The following RADIL variants were observed in gnomAD, a reference collection of about 807,000 sequenced individuals.
The protein encoded by RADIL is ras-associating and dilute domain-containing protein.
In RADIL, 99 loss-of-function variants were observed where a neutral mutation model predicts 97.6. That is an observed-to-expected ratio of 1.01 (90% CI 0.86 to 1.20). RADIL has a LOEUF of 1.20. RADIL is among the 50% of genes most tolerant of loss of function. The pLI, the probability that RADIL is intolerant of heterozygous loss-of-function variation, is 0.00. For missense variants in RADIL, 1,765 were observed against 1,498.9 expected (o/e 1.18, Z -2.93); for synonymous variants, 803 against 691.8 (o/e 1.16, Z -2.52).
At chr7:4,870,083 T>C (rs1784218772) in intron 2 of RADIL, among the ~76,000 whole-genome samples, 1 of 152,232 alleles carries the variant, frequency 6.6e-6, no homozygotes, top group African/African-American at 2.4e-5. Context: ...GAGGCTGCAG[T>C]GAGCCATGAT....
intron 2 of RADIL, among the ~76,000 whole-genome samples, chr7:4,868,932 G>C (rs1419706973): frequency 6.6e-6 from 1 of 152,114 alleles, no homozygotes; most frequent in African/African-American, 2.4e-5. Context: ...TTCGAGACCA[G>C]CCTGACTAAC....
chr7:4,815,413 G>A lies in RADIL; in HGVS notation c.2004C>T (p.Val668=), dbSNP rs374880901. 1.3e-6 allele frequency: 2 copies of A among 1,560,378 alleles called. No homozygotes were observed. The highest frequency in any genetic ancestry group is 2.7e-5 in the African/African-American group (2 of 74,360). ...GCTGCTGCAGGCGGGCGCAGGCCTG[G>A]ACACCTCTGGGCCAGTGGAAGCAGC... The part of the protein sequence containing the change: ...SLSCFHWPRG[V]QACARLQQLL... The change falls in exon 9 of 15, where the codon GTC becomes GTT. Residue 668 remains valine, a synonymous_variant. Transcript: ENST00000399583. The surrounding 1 kb of genome is among the most constrained non-coding windows in gnomAD (Gnocchi z 8.0).
At chr7:4,836,870 G>A (rs1051583802) in intron 2 of RADIL, among the ~76,000 whole-genome samples, 2 of 152,068 alleles carry the variant, frequency 1.3e-5, no homozygotes, top group Admixed American at 1.3e-4. Context: ...CCCAGGAGGC[G>A]GAGGTGGCAG....
intron 2 of RADIL, among the ~76,000 whole-genome samples, chr7:4,847,607 C>T (rs1301281033): frequency 2.0e-5 from 3 of 152,044 alleles, no homozygotes; most frequent in African/African-American, 7.2e-5. Flanking sequence ...TGTCCATCAA[C>T]GGGTGAACAG....
At chr7:4,808,912 CCCCCACG>C in intron 9 of RADIL, 1 of 927,306 alleles carries the variant, frequency 1.1e-6, no homozygotes, top group African/African-American at 2.4e-5. Flanking sequence ...CGCCACTGCC[CCCCCACG>C]TCTCCTTCCA....
At position 4,812,607 on chromosome 7, in the gene RADIL, A is replaced by C. The variant is rs1416718609; in HGVS notation, c.2139+2671T>G. Among the ~76,000 whole-genome samples, 6 of 152,070 alleles carry C rather than the reference A, an allele frequency of 3.9e-5. 1 individual carries two copies. Among genetic ancestry groups the C allele is most frequent in the Admixed American group, 3.9e-4 (6 of 15,264 alleles). ...CAGCTAATTTTTGTATTTTTAGTTGAGACGGGGTATTGCCATATTGGGCAG... is the reference window on the plus strand; with the variant it reads ...CAGCTAATTTTTGTATTTTTAGTTGCGACGGGGTATTGCCATATTGGGCAG... On this transcript the variant is annotated intron_variant, in intron 9 of 14. Transcript: ENST00000399583.
At chr7:4,827,495 A>T (rs1465452037) in intron 5 of RADIL, among the ~76,000 whole-genome samples, 1 of 150,410 alleles carries the variant, frequency 6.6e-6, no homozygotes, top group Non-Finnish European at 1.5e-5. Context: ...CCCCGTCTCT[A>T]CTAAAAATAC....
At position 4,813,556 on chromosome 7, in the gene RADIL, G is replaced by A. The variant is rs966746990; in HGVS notation, c.2139+1722C>T. Reference sequence around the variant, plus strand: ...CCAGTGCTGTGCTGTTCCAGTTTCTGTTTCCCCACCAGTGGCCCCTGCCTG... The same window carrying A: ...CCAGTGCTGTGCTGTTCCAGTTTCTATTTCCCCACCAGTGGCCCCTGCCTG... On this transcript the variant is annotated intron_variant, in intron 9 of 14. Coordinates refer to ENST00000399583, the MANE Select transcript of RADIL (RefSeq NM_018059.5). The surrounding 1 kb of genome is among the most constrained non-coding windows in gnomAD (Gnocchi z 5.0). Among the ~76,000 whole-genome samples, 2 of 152,292 alleles carry A rather than the reference G, an allele frequency of 1.3e-5. No homozygotes were observed. Among genetic ancestry groups the A allele is most frequent in the South Asian group, 4.1e-4 (2 of 4,834 alleles).
rs1783471760 is a variant in RADIL, at chr7:4,842,719, C to T, written c.536-6114G>A. 6.6e-6 allele frequency among the ~76,000 whole-genome samples: 1 copy of T among 152,286 alleles called. No homozygotes were observed. Among genetic ancestry groups the T allele is most frequent in the South Asian group, 2.1e-4 (1 of 4,820 alleles). ...TGATGGTTTGGAATAATGATATATA[C>T]AACTTGGAACCGTTTCTGTCACCCA... On this transcript the variant is annotated intron_variant, in intron 2 of 14. Coordinates refer to ENST00000399583, the MANE Select transcript of RADIL (RefSeq NM_018059.5). This position sits in a 1 kb window ranked among gnomAD's most constrained non-coding sequence, Gnocchi z 4.5.
intron 10 of RADIL, chr7:4,804,086 C>T: frequency 2.7e-6 from 1 of 368,230 alleles, no homozygotes; most frequent in Non-Finnish European, 5.3e-6. Flanking sequence ...CTCCGGGTAA[C>T]TGGAGCTCCC....
intron 2 of RADIL, chr7:4,861,834 G>GCACGTCCTCCACCACCGCGACCTT: frequency 7.9e-7 from 1 of 1,268,420 alleles, no homozygotes; most frequent in Non-Finnish European, 1.0e-6. Context: ...CCCCGCCAGG[G>GCACGTCCTCCACCACCGCGACCTT]CACGTCCCCC....
intron 2 of RADIL, among the ~76,000 whole-genome samples, chr7:4,843,101 G>C (rs1245035786): frequency 6.6e-6 from 1 of 151,170 alleles, no homozygotes; most frequent in Non-Finnish European, 1.5e-5. Context: ...CTGCCTCCCG[G>C]GTTCAAGTGA....
chr7:4,865,564 TTTTGA>T, intron 2 of RADIL: 1 of 793,334 alleles, frequency 1.3e-6, no homozygotes, highest in Admixed American at 1.7e-5. Flanking sequence ...TCAAATACCT[TTTTGA>T]GAAAGGGACC....
rs201926337 is a variant in RADIL at position 4,877,950 on chromosome 7, C to G, written c.190G>C (p.Val64Leu). 221 of 1,610,196 alleles carry G rather than the reference C, an allele frequency of 1.4e-4. No homozygotes were observed. Among genetic ancestry groups the G allele is most frequent in the Admixed American group, 6.7e-5 (4 of 59,994 alleles). Reference protein sequence around the residue: ...ELSTQLSAPGVLKVFGDSVCT... With the variant: ...ELSTQLSAPGLLKVFGDSVCT... ...ACACTGTCCCCAAACACCTTCAGGA[C>G]ACCAGGGGCCGACAGCTGGGTGGAG... The change falls in exon 2 of 15, where the codon GTC (valine) becomes CTC (leucine). Residue 64 changes from valine (V) to leucine (L), a missense_variant. Physicochemically the swap from Val to Leu is conservative, Grantham distance 32 (BLOSUM62 1). Coordinates refer to ENST00000399583, the MANE Select transcript of RADIL (RefSeq NM_018059.5).
At chr7:4,825,142 A>G (rs1356992405) in intron 5 of RADIL, among the ~76,000 whole-genome samples, 2 of 151,178 alleles carry the variant, frequency 1.3e-5, no homozygotes, top group Admixed American at 6.6e-5. Flanking sequence ...TCGGGGGGGG[A>G]CAGCACAGCC....
At chr7:4,861,835 C>G in intron 2 of RADIL, 1 of 1,320,728 alleles carries the variant, frequency 7.6e-7, no homozygotes, top group Non-Finnish European at 9.6e-7. Context: ...CCCGCCAGGG[C>G]ACGTCCCCCA....
At chr7:4,829,386 G>A (rs1035748075) in intron 5 of RADIL, among the ~76,000 whole-genome samples, 6 of 152,128 alleles carry the variant, frequency 3.9e-5, no homozygotes, top group Non-Finnish European at 8.8e-5. Flanking sequence ...GAAGGCGTTC[G>A]GAGCTCAGCT....
chr7:4,817,226 C>T lies in RADIL; in HGVS notation c.1728+13G>A, dbSNP rs532048743. 1.4e-4 allele frequency: 227 copies of T among 1,601,382 alleles called. 1 individual carries two copies. In the South Asian group the frequency reaches 2.3e-3, roughly 16 times the overall value. ...GAGCTGCCTGAGTGCAGAAGCAGAG[C>T]CCGTCCGTGCACCTTGGAGACATAG... On this transcript the variant is annotated intron_variant, in intron 7 of 14. Transcript: ENST00000399583. This position sits in a 1 kb window ranked among gnomAD's most constrained non-coding sequence, Gnocchi z 8.3.
intron 10 of RADIL, chr7:4,804,171 C>A (rs970629357): frequency 1.4e-5 from 4 of 292,100 alleles, no homozygotes; most frequent in African/African-American, 2.2e-5. Context: ...TCACGGGACC[C>A]AAACGGCCTG....
Sources: allele counts gnomAD v4.1 joint callset (sites outside exome capture counted in the v4.1 genomes callset), GRCh38; gene constraint gnomAD v4.1.1; non-coding constraint Gnocchi (gnomAD v3.1); transcripts MANE v1.5; gene names NCBI Gene and HGNC (gene_info 2026-07-23, HGNC 2026-07-21).